MAGI1: variants seen among roughly 807,000 people sequenced by gnomAD.
MAGI1 encodes the protein membrane-associated guanylate kinase, WW and PDZ domain-containing protein 1.
Under a neutral mutation model 139.9 loss-of-function variants are expected in MAGI1, and 58 were observed. The observed-to-expected ratio is 0.41, with a 90% CI of 0.34 to 0.52. The LOEUF (loss-of-function observed/expected upper bound fraction) is 0.52, where lower values mean the gene tolerates loss of function less well. Ranked by LOEUF, MAGI1 falls within the 20% of genes least tolerant of loss-of-function variation. MAGI1 has a pLI of 0.12. For missense variants in MAGI1, 1,874 were observed against 1,901.6 expected (o/e 0.99, Z 0.27); for synonymous variants, 812 against 737.9 (o/e 1.10, Z -1.63).
intron 1 of MAGI1, among the ~76,000 whole-genome samples, chr3:65,929,157 AAAAAAG>A (rs1165244977): frequency 1.3e-5 from 2 of 150,784 alleles, no homozygotes; most frequent in African/African-American, 4.9e-5. Flanking sequence ...ATGCCGCAAA[AAAAAAG>A]AAAAAAGAAA....
In MAGI1 at chr3:65,448,025, G is replaced by T. The variant is rs757966074; in HGVS notation, c.1075C>A (p.Leu359Ile). The change falls in exon 7 of 23, where the codon CTA (leucine) becomes ATA (isoleucine). Residue 359 changes from leucine to isoleucine, a missense_variant. By Grantham distance (5) the Leu-to-Ile change is conservative (BLOSUM62 2). Around this residue, in one of 5 missense-constraint regions of MAGI1, gnomAD observed 648 missense variants for 598.1 expected, o/e 1.08. Transcript: ENST00000402939. ...GVHTEELDSE[L>I]ELPAGWEKIE... The stretch of plus-strand genomic sequence containing the variant: ...GCAGCAGGCAGGGAGGGTTTACCTA[G>T]TTCACTGTCCAGCTCCTCGGTGTGT... 6.2e-7 allele frequency: 1 copy of T among 1,614,092 alleles called. No homozygotes were observed. The highest frequency in any genetic ancestry group is 1.1e-5 in the South Asian group (1 of 91,082).
chr3:65,490,320 T>C (rs538861411), intron 3 of MAGI1, among the ~76,000 whole-genome samples: 1 of 152,288 alleles, frequency 6.6e-6, no homozygotes, highest in South Asian at 2.1e-4. Flanking sequence ...GCAAAGGGGC[T>C]GAGAATCAAA....
rs187252915 is a variant in MAGI1 at position 65,794,394 on chromosome 3, T to C, written c.314-172306A>G. Among the ~76,000 whole-genome samples, 34 of 152,262 alleles carry C rather than the reference T, an allele frequency of 2.2e-4. No individual in the cohort carries two copies. The East Asian group carries it at 5.6e-3, about 25-fold the overall frequency. ...TCCTTCTGAGGAAGCTCAGGACCTG[T>C]TGGGGTATGGCCTTCTCTTTATCCA... is the stretch of plus-strand genomic sequence containing the variant. On this transcript the variant is annotated intron_variant, in intron 1 of 22. Coordinates refer to ENST00000402939, the MANE Select transcript of MAGI1 (RefSeq NM_001033057.2).
chr3:65,869,088 T>C (rs2059827563), intron 1 of MAGI1, among the ~76,000 whole-genome samples: 1 of 151,744 alleles, frequency 6.6e-6, no homozygotes, highest in African/African-American at 2.4e-5. Context: ...ACCCTGTCTC[T>C]ACTAAAAATA....
intron 5 of MAGI1, among the ~76,000 whole-genome samples, chr3:65,469,252 T>C (rs1298113251): frequency 6.6e-6 from 1 of 152,180 alleles, no homozygotes; most frequent in African/African-American, 2.4e-5. Flanking sequence ...CCCTTCGTTA[T>C]TGTTGACTTA....
intron 1 of MAGI1, among the ~76,000 whole-genome samples, chr3:65,696,198 T>C (rs1201876106): frequency 6.6e-6 from 1 of 152,148 alleles, no homozygotes; most frequent in African/African-American, 2.4e-5. Context: ...TTTCTGCAGG[T>C]ACCTATTCAA....
chr3:65,879,204 C>T (rs2060232408), intron 1 of MAGI1, among the ~76,000 whole-genome samples: 1 of 152,056 alleles, frequency 6.6e-6, no homozygotes, highest in African/African-American at 2.4e-5. Flanking sequence ...CTTGTTGATA[C>T]AAAGCTAGAC....
intron 12 of MAGI1, among the ~76,000 whole-genome samples, chr3:65,415,126 T>C (rs1946110749): frequency 1.3e-5 from 2 of 151,982 alleles, no homozygotes; most frequent in African/African-American, 2.4e-5. Flanking sequence ...CATCCTGGTT[T>C]TTCTCATTAT....
chr3:65,550,505 C>T (rs903142795), intron 2 of MAGI1, among the ~76,000 whole-genome samples: 4 of 152,166 alleles, frequency 2.6e-5, no homozygotes, highest in African/African-American at 9.7e-5. Flanking sequence ...CCCAGAGAGC[C>T]CTGTTTGAAC....
intron 1 of MAGI1, among the ~76,000 whole-genome samples, chr3:65,856,900 G>C (rs569595674): frequency 6.6e-6 from 1 of 152,248 alleles, no homozygotes; most frequent in South Asian, 2.1e-4. Context: ...AACTCAAATC[G>C]CCCATGGATC....
chr3:65,379,082 C>T, intron 17 of MAGI1, 179 bp downstream of exon 17: 1 of 1,339,008 alleles, frequency 7.5e-7, no homozygotes, highest in South Asian at 1.3e-5. Flanking sequence ...ATATTCCCAA[C>T]CTTCAAAAGG....
chr3:65,438,346 G>A (rs1413517774), intron 9 of MAGI1, among the ~76,000 whole-genome samples: 1 of 152,154 alleles, frequency 6.6e-6, no homozygotes, highest in Non-Finnish European at 1.5e-5. Flanking sequence ...CGGACATGAA[G>A]TGTGGAATAA....
chr3:65,663,139 T>C (rs776438262), intron 1 of MAGI1, among the ~76,000 whole-genome samples: 2 of 152,212 alleles, frequency 1.3e-5, no homozygotes, highest in African/African-American at 2.4e-5. Context: ...TTGAAAATAA[T>C]ATACAAATAT....
intron 12 of MAGI1, among the ~76,000 whole-genome samples, chr3:65,423,146 A>G (rs1305306878): frequency 6.6e-6 from 1 of 152,174 alleles, no homozygotes; most frequent in Admixed American, 6.5e-5. Context: ...TTATTAAGAT[A>G]TCACTCTATA....
chr3:65,631,715 T>C (rs781061621), intron 1 of MAGI1, among the ~76,000 whole-genome samples: 2 of 152,188 alleles, frequency 1.3e-5, no homozygotes, highest in African/African-American at 4.8e-5. Context: ...ATGAGTTTCA[T>C]GTTAATAGAC....
intron 1 of MAGI1, among the ~76,000 whole-genome samples, chr3:65,765,885 T>C (rs753879256): frequency 6.6e-6 from 1 of 152,198 alleles, no homozygotes; most frequent in Non-Finnish European, 1.5e-5. Context: ...TTCTGCAATA[T>C]CTGCCTAAAT....
At chr3:65,831,874 T>C (rs1248616335) in intron 1 of MAGI1, among the ~76,000 whole-genome samples, 1 of 152,224 alleles carries the variant, frequency 6.6e-6, no homozygotes, top group African/African-American at 2.4e-5. Context: ...ACCACATATG[T>C]GGGCCACAAG....
At chr3:65,971,909 G>A (rs2065029452) in intron 1 of MAGI1, among the ~76,000 whole-genome samples, 1 of 152,136 alleles carries the variant, frequency 6.6e-6, no homozygotes, top group Non-Finnish European at 1.5e-5. Context: ...GTTTCCTCTT[G>A]GGCACACTTA....
At chr3:65,855,634 A>ACGGGGGAGGAGAGAGGGG (rs376422485) in intron 1 of MAGI1, among the ~76,000 whole-genome samples, 1 of 94,340 alleles carries the variant, frequency 1.1e-5, no homozygotes, top group Non-Finnish European at 2.2e-5. Flanking sequence ...AGGGGAGGGG[A>ACGGGGGAGGAGAGAGGGG]AGGGAGAAAC....
Sources: gnomAD v4.1 joint callset for allele counts (sites outside exome capture counted in the v4.1 genomes callset) on GRCh38, gnomAD v4.1.1 for gene constraint, gnomAD v4.1.1 regional missense constraint, MANE v1.5 for transcripts, NCBI Gene and HGNC (gene_info 2026-07-23, HGNC 2026-07-21) for gene names.